The following SLC16A7 variants were observed in gnomAD, a reference collection of about 807,000 sequenced individuals.
SLC16A7 encodes the protein monocarboxylate transporter 2.
In SLC16A7, 33 loss-of-function variants were observed where a neutral mutation model predicts 34.9. The ratio of observed to expected loss-of-function variants is 0.94; its 90% CI spans 0.72 to 1.26. SLC16A7 has a LOEUF of 1.26. SLC16A7 is among the 50% of genes most tolerant of loss of function. The pLI is 0.00. For missense variants in SLC16A7, 573 were observed against 578.1 expected (o/e 0.99, Z 0.09); for synonymous variants, 201 against 206.6 (o/e 0.97, Z 0.23).
intron 3 of SLC16A7, chr12:59,720,213 G>T: frequency 8.3e-6 from 5 of 604,462 alleles, no homozygotes; most frequent in South Asian, 2.0e-5. Flanking sequence ...ATTGTTAATT[G>T]TTACTTATGT....
At chr12:59,670,784 A>T (rs1869615134) in intron 2 of SLC16A7, among the ~76,000 whole-genome samples, 1 of 152,208 alleles carries the variant, frequency 6.6e-6, no homozygotes. Context: ...CTTGGCAATC[A>T]TGATCTGTGG....
At chr12:59,706,226 A>G (rs141036669) in intron 3 of SLC16A7, among the ~76,000 whole-genome samples, 5 of 152,232 alleles carry the variant, frequency 3.3e-5, no homozygotes, top group African/African-American at 7.2e-5. Flanking sequence ...ACCTGATTCA[A>G]TTCTTTCTAC....
At chr12:59,601,975 T>C (rs1878705416) in intron 1 of SLC16A7, among the ~76,000 whole-genome samples, 1 of 152,218 alleles carries the variant, frequency 6.6e-6, no homozygotes, top group South Asian at 2.1e-4. Context: ...CTCTGTTTTC[T>C]ATAAGTCAGT....
In SLC16A7 at chr12:59,783,668, T is replaced by TTTG. The variant is rs1403095123; in HGVS notation, c.*3989_*3990insTTG. 2 of 151,302 alleles carry TTTG rather than the reference T, an allele frequency of 1.3e-5. No individual in the cohort carries two copies. The highest frequency in any genetic ancestry group is 2.9e-5 in the Non-Finnish European group (2 of 67,808). 9.4% of individuals were successfully genotyped at this position (151,302 alleles called of 1,614,324 possible). A position where few individuals can be genotyped will look rare whatever the true frequency, so the allele number is the denominator to read the frequency against. ...TTCTTTCTTTCTTTTTTTTTTTTTT[T>TTTG]GAGACTGAGTCTCGTTCTTGTCGCC... On this transcript the variant is annotated 3_prime_UTR_variant, in exon 6 of 6. Transcript: ENST00000547379.
intron 3 of SLC16A7, among the ~76,000 whole-genome samples, chr12:59,753,483 C>A (rs1879866944): frequency 6.6e-6 from 1 of 152,020 alleles, no homozygotes; most frequent in African/African-American, 2.4e-5. Context: ...AGACTTTAAA[C>A]CAACAAAGAT....
At chr12:59,650,479 CT>C (rs1868324000) in intron 1 of SLC16A7, among the ~76,000 whole-genome samples, 1 of 152,082 alleles carries the variant, frequency 6.6e-6, no homozygotes, top group African/African-American at 2.4e-5. Flanking sequence ...CTGTATACCC[CT>C]GAGAACTTGA....
At position 59,785,929 on chromosome 12, in the gene SLC16A7, G is replaced by A. The variant is rs1037383581; in HGVS notation, c.*6250G>A. On this transcript the variant is annotated 3_prime_UTR_variant, in exon 6 of 6. Coordinates refer to ENST00000547379, the MANE Select transcript of SLC16A7 (RefSeq NM_001270623.2). ...AAATCATCATTCTCAGTAAACTATC[G>A]CAAGAACAAAAAACCAAACACCGCA... The A allele has an allele frequency of 6.7e-6, 1 of 148,720 alleles. No homozygotes were observed. Among genetic ancestry groups the A allele is most frequent in the East Asian group, 2.0e-4 (1 of 4,948 alleles). The allele number at this position is 148,720 out of a possible 1,614,324, so 9.2% of individuals were successfully genotyped here.
At position 59,704,868 on chromosome 12, in the gene SLC16A7, G is replaced by A; in HGVS notation, c.67G>A (p.Val23Ile). The A allele has an allele frequency of 6.2e-7, 1 of 1,613,946 alleles. No homozygotes were observed. The highest frequency in any genetic ancestry group is 1.1e-5 in the South Asian group (1 of 91,084). ...PPDGGWGWIV[V>I]GAAFISIGFS... The stretch of plus-strand genomic sequence containing the variant: ...AGATGGAGGATGGGGTTGGATTGTG[G>A]TTGGAGCAGCTTTTATCTCCATTGG... The change falls in exon 3 of 6, where the codon GTT becomes ATT. Residue 23 changes from valine (V) to isoleucine (I), a missense_variant. Val to Ile is a conservative substitution (Grantham distance 29). Transcript: ENST00000547379.
intron 2 of SLC16A7, among the ~76,000 whole-genome samples, chr12:59,703,696 T>C (rs1300810186): frequency 6.6e-6 from 1 of 152,062 alleles, no homozygotes; most frequent in African/African-American, 2.4e-5. Flanking sequence ...ACTGCAGCCT[T>C]GAACTACTGG....
At chr12:59,730,713 C>A (rs1037688249) in intron 3 of SLC16A7, among the ~76,000 whole-genome samples, 9 of 152,012 alleles carry the variant, frequency 5.9e-5, no homozygotes, top group African/African-American at 2.2e-4. Flanking sequence ...CATTCAGATG[C>A]CAAATGGCAT....
chr12:59,641,640 C>T (rs1338887638), intron 1 of SLC16A7, among the ~76,000 whole-genome samples: 2 of 151,852 alleles, frequency 1.3e-5, no homozygotes, highest in Non-Finnish European at 2.9e-5. Flanking sequence ...CTAATATTTA[C>T]ATTGAAGGGA....
intron 2 of SLC16A7, among the ~76,000 whole-genome samples, chr12:59,672,092 G>A (rs1201053892): frequency 0.93 from 1,150 of 1,240 alleles, 538 homozygotes; most frequent in South Asian, 0.98. Flanking sequence ...TGTATATATC[G>A]CATATATCCG....
intron 3 of SLC16A7, among the ~76,000 whole-genome samples, chr12:59,760,178 G>A (rs1880854573): frequency 1.3e-5 from 2 of 151,956 alleles, no homozygotes; most frequent in Admixed American, 1.3e-4. Flanking sequence ...CAGACAAAAA[G>A]CATTGGCATT....
chr12:59,742,651 G>A (rs1011363098), intron 3 of SLC16A7, among the ~76,000 whole-genome samples: 15 of 152,186 alleles, frequency 9.9e-5, no homozygotes, highest in African/African-American at 3.6e-4. Context: ...TGTAGATAAT[G>A]GTCCTGATCT....
intron 3 of SLC16A7, among the ~76,000 whole-genome samples, chr12:59,736,771 G>A (rs1877652934): frequency 6.6e-6 from 1 of 152,120 alleles, no homozygotes; most frequent in African/African-American, 2.4e-5. Flanking sequence ...AACAAGTCCT[G>A]ATCATCTGTC....
At chr12:59,683,694 G>T (rs938359042) in intron 2 of SLC16A7, among the ~76,000 whole-genome samples, 2 of 152,092 alleles carry the variant, frequency 1.3e-5, no homozygotes, top group East Asian at 3.9e-4. Context: ...AAGAGGTAGA[G>T]AATTGGAACA....
chr12:59,760,763 T>C (rs1880928934), intron 3 of SLC16A7, among the ~76,000 whole-genome samples: 1 of 152,054 alleles, frequency 6.6e-6, no homozygotes, highest in Admixed American at 6.6e-5. Flanking sequence ...ACACGAGATT[T>C]TATCATGCTA....
At chr12:59,768,673 A>G (rs1881923247) in intron 3 of SLC16A7, among the ~76,000 whole-genome samples, 1 of 152,130 alleles carries the variant, frequency 6.6e-6, no homozygotes, top group Non-Finnish European at 1.5e-5. Context: ...GGAAGAATCA[A>G]CTGATGCAAC....
chr12:59,778,277 TTA>T (rs923871973), intron 5 of SLC16A7, among the ~76,000 whole-genome samples: 39 of 152,098 alleles, frequency 2.6e-4, no homozygotes, highest in African/African-American at 9.2e-4. Flanking sequence ...GCCATTTTTG[TTA>T]TGTTTATGAC....
Sources: allele counts gnomAD v4.1 joint callset (sites outside exome capture counted in the v4.1 genomes callset), GRCh38; gene constraint gnomAD v4.1.1; transcripts MANE v1.5; gene names NCBI Gene and HGNC (gene_info 2026-07-23, HGNC 2026-07-21).